The following LGALS8 variants were observed in gnomAD, a reference collection of about 807,000 sequenced individuals.
LGALS8 encodes galectin-8.
In LGALS8, 30 loss-of-function variants were observed where a neutral mutation model predicts 35.9. The observed-to-expected ratio is 0.83, with a 90% confidence interval of 0.62 to 1.13. LGALS8 has a LOEUF of 1.13. Ranked by LOEUF, LGALS8 falls within the 50% of genes most tolerant of loss-of-function variation. The probability of loss-of-function intolerance (pLI) is 0.00; values close to 1 mark genes in which losing one functional copy is unlikely to be tolerated. For missense variants in LGALS8, 366 were observed against 388.7 expected (o/e 0.94, Z 0.49); for synonymous variants, 138 against 136.1 (o/e 1.01, Z -0.10).
upstream of LGALS8, among the ~76,000 whole-genome samples, chr1:236,520,817 G>T (rs77163907): frequency 0.025 from 3,865 of 152,248 alleles, 60 homozygotes; most frequent in Non-Finnish European, 0.037. Flanking sequence ...TCATGCTTCA[G>T]CCATACTGGT....
intron 8 of LGALS8, 113 bp downstream of exon 8, chr1:236,543,761 T>A (rs1187691853): frequency 1.3e-6 from 1 of 756,296 alleles, no homozygotes; most frequent in Admixed American, 2.0e-5. Context: ...AATCTTCATT[T>A]CCAAAGTGAG....
intron 9 of LGALS8, 111 bp downstream of exon 9, chr1:236,545,026 G>A: frequency 2.5e-6 from 2 of 797,186 alleles, no homozygotes; most frequent in South Asian, 4.9e-5. Flanking sequence ...AGTTGTGTAT[G>A]TTTTTTGTTT....
upstream of LGALS8, chr1:236,518,258 G>C (rs1660454371): frequency 3.9e-5 from 6 of 152,134 alleles, no homozygotes; most frequent in Admixed American, 3.9e-4. Context: ...GACTGGATTT[G>C]GGACATGATC....
intron 2 of LGALS8, among the ~76,000 whole-genome samples, chr1:236,533,948 C>G (rs986458854): frequency 6.6e-6 from 1 of 152,210 alleles, no homozygotes; most frequent in African/African-American, 2.4e-5. Context: ...GCAGCTCCCT[C>G]TGACCCTCGA....
In LGALS8 at chr1:236,540,532, C is replaced by CGG. The variant is rs3216037; in HGVS notation, c.346-25_346-24dup. On this transcript the variant is annotated intron_variant, in intron 4 of 9. Transcript: ENST00000366584. ...TTTATTAACTGTTTTTTTTTGGTGG[C>CGG]GGGGGGGGCTCTGTCTTCTGTATCT... The CGG allele has an allele frequency of 1.1e-3, 1,596 of 1,488,794 alleles. 9 individuals carry two copies. The African/African-American group carries it at 0.011, about 11-fold the overall frequency. 92.2% of individuals were successfully genotyped at this position (1,488,794 alleles called of 1,614,324 possible).
rs1339311738 is a variant in LGALS8, at chr1:236,541,559, AG to A, written c.466-94del. The A allele has an allele frequency of 1.2e-5, 8 of 644,372 alleles. No individual in the cohort carries two copies. In the Admixed American group the frequency reaches 2.9e-4, roughly 24 times the overall value. The allele number at this position is 644,372 out of a possible 1,614,324, so 39.9% of individuals were successfully genotyped here. A position where few individuals can be genotyped will look rare whatever the true frequency, so the allele number is the denominator to read the frequency against. Reference sequence around the variant, plus strand: ...GATCATAGTTTTCAAGCATATTTTTAGTACCATTTATAATTTTTTTATATGT... The same window carrying A: ...GATCATAGTTTTCAAGCATATTTTTATACCATTTATAATTTTTTTATATGT... On this transcript the variant is annotated intron_variant, in intron 5 of 9. Transcript: ENST00000366584.
intron 9 of LGALS8, among the ~76,000 whole-genome samples, chr1:236,547,386 G>A (rs1028228513): frequency 1.3e-5 from 2 of 152,138 alleles, no homozygotes; most frequent in African/African-American, 4.8e-5. Context: ...TCCAACTTAC[G>A]GGATACCCAG....
chr1:236,532,824 A>T (rs540538838), intron 2 of LGALS8, among the ~76,000 whole-genome samples: 1 of 151,436 alleles, frequency 6.6e-6, no homozygotes, highest in South Asian at 2.1e-4. Flanking sequence ...AGCCTGGGCA[A>T]CAAAAGTGAA....
rs138838182 is a variant in LGALS8, at chr1:236,546,262, G to A, written c.804+1347G>A. ...GAATGTTATATGCTTTTGAACAATC[G>A]TCTTTTCCATTTAATTTTCTAATTC... On this transcript the variant is annotated intron_variant, in intron 9 of 9. Coordinates refer to ENST00000366584, the MANE Select transcript of LGALS8 (RefSeq NM_201544.4). Among the ~76,000 whole-genome samples the A allele has an allele frequency of 5.7e-3, 863 of 152,274 alleles. 4 individuals are homozygous for A. Among genetic ancestry groups the A allele is most frequent in the Non-Finnish European group, 9.9e-3 (676 of 68,030 alleles).
chr1:236,548,296 G>A lies in LGALS8; in HGVS notation c.*135G>A. 3.8e-6 allele frequency: 3 copies of A among 795,234 alleles called. No homozygotes were observed. The highest frequency in any genetic ancestry group is 2.7e-5 in the East Asian group (1 of 36,974). The allele number at this position is 795,234 out of a possible 1,614,324, so 49.3% of individuals were successfully genotyped here. A position where few individuals can be genotyped will look rare whatever the true frequency, so the allele number is the denominator to read the frequency against. On this transcript the variant is annotated 3_prime_UTR_variant, in exon 10 of 10. Transcript: ENST00000366584. ...CTTGTGCACCATTAGGTCCTGCTGGGTGTTCTCAGTCCTTGCCATGAAGTA... is the reference window on the plus strand; with the variant it reads ...CTTGTGCACCATTAGGTCCTGCTGGATGTTCTCAGTCCTTGCCATGAAGTA...
In LGALS8 at chr1:236,549,993, T is replaced by C. The variant is rs1288949332; in HGVS notation, c.*1832T>C. Reference sequence around the variant, plus strand: ...TAGCTTCAAAGGCTTTTAAACTCAATGCGAACATTCTACGGGATGTTCTTA... The same window carrying C: ...TAGCTTCAAAGGCTTTTAAACTCAACGCGAACATTCTACGGGATGTTCTTA... On this transcript the variant is annotated 3_prime_UTR_variant, in exon 10 of 10. Coordinates refer to ENST00000366584, the MANE Select transcript of LGALS8 (RefSeq NM_201544.4). The C allele has an allele frequency of 6.6e-6, 1 of 152,204 alleles. No homozygotes were observed. Among genetic ancestry groups the C allele is most frequent in the Non-Finnish European group, 1.5e-5 (1 of 68,038 alleles). The allele number at this position is 152,204 out of a possible 1,614,324, so 9.4% of individuals were successfully genotyped here.
At chr1:236,532,867 CAAAAA>C (rs1391379385) in intron 2 of LGALS8, among the ~76,000 whole-genome samples, 9 of 151,898 alleles carry the variant, frequency 5.9e-5, no homozygotes, top group Admixed American at 5.2e-4. Flanking sequence ...AAACAAAAAA[CAAAAA>C]ACCTGTTTTC....
At chr1:236,547,962 A>T in intron 9 of LGALS8, 50 bp from the exon 10 acceptor site, 1 of 1,549,930 alleles carries the variant, frequency 6.5e-7, no homozygotes, top group Non-Finnish European at 8.9e-7. Context: ...AACAAACACA[A>T]AATTTTAAAC....
chr1:236,533,975 C>A (rs374395867), intron 2 of LGALS8, among the ~76,000 whole-genome samples: 7 of 152,284 alleles, frequency 4.6e-5, no homozygotes, highest in African/African-American at 1.7e-4. Context: ...TGCCCCTGAC[C>A]CCGGATGTAG....
intron 1 of LGALS8, chr1:236,525,448 G>T (rs1459752943): frequency 6.6e-6 from 1 of 151,284 alleles, no homozygotes; most frequent in Non-Finnish European, 1.5e-5. Flanking sequence ...TGTTGCCCAG[G>T]CTGGAGTGCA....
rs146402652 is a variant in LGALS8, at chr1:236,526,530, T to C, written c.45+415T>C. On this transcript the variant is annotated intron_variant, in intron 2 of 9. Coordinates refer to ENST00000366584, the MANE Select transcript of LGALS8 (RefSeq NM_201544.4). The surrounding 1 kb of genome is among the most constrained non-coding windows in gnomAD (Gnocchi z 4.6). ...TTTCCCTCAGCCTTTCAAATACTGC[T>C]TGGCCCTTGAGCAGGGAAAATGTCA... The C allele has an allele frequency of 6.0e-3, 957 of 159,176 alleles. 4 individuals carry two copies. The highest frequency in any genetic ancestry group is 0.022 in the African/African-American group (920 of 41,724). 9.9% of individuals were successfully genotyped at this position (159,176 alleles called of 1,614,324 possible). A position where few individuals can be genotyped will look rare whatever the true frequency, so the allele number is the denominator to read the frequency against.
chr1:236,523,502 G>A (rs2103061363), upstream of LGALS8: 1 of 156,268 alleles, frequency 6.4e-6, no homozygotes, highest in South Asian at 1.9e-4. Flanking sequence ...CGTGGACCTG[G>A]GCGCCCCGGG....
chr1:236,542,806 G>A lies in LGALS8; in HGVS notation c.549+19G>A, dbSNP rs1662091489. ...CCAGCTTGTGAGTATTTTTGCCTGGGTTATTTCATGTGGAATATTTTATAA... is the reference window on the plus strand; with the variant it reads ...CCAGCTTGTGAGTATTTTTGCCTGGATTATTTCATGTGGAATATTTTATAA... On this transcript the variant is annotated intron_variant, in intron 7 of 9. Transcript: ENST00000366584. The A allele has an allele frequency of 6.2e-7, 1 of 1,614,040 alleles. No homozygotes were observed. Among genetic ancestry groups the A allele is most frequent in the African/African-American group, 1.3e-5 (1 of 74,912 alleles).
chr1:236,538,925 G>C lies in LGALS8; in HGVS notation c.181G>C (p.Asp61His), dbSNP rs370055161. 1 of 1,613,678 alleles carries C rather than the reference G, an allele frequency of 6.2e-7. No homozygotes were observed. The highest frequency in any genetic ancestry group is 1.3e-5 in the African/African-American group (1 of 75,026). ...QNGSSMKPRA[D>H]VAFHFNPRFK... The stretch of plus-strand genomic sequence containing the variant: ...TGGCAGCAGCATGAAACCTCGAGCC[G>C]ATGTGGCCTTTCATTTCAATCCTCG... Residue 61 changes from aspartate to histidine, a missense_variant, in exon 4 of 10, where the codon GAT becomes CAT. Coordinates refer to ENST00000366584, the MANE Select transcript of LGALS8 (RefSeq NM_201544.4).
Sources: gnomAD v4.1 joint callset for allele counts (sites outside exome capture counted in the v4.1 genomes callset) on GRCh38, gnomAD v4.1.1 for gene constraint, Gnocchi (gnomAD v3.1) non-coding constraint, MANE v1.5 for transcripts, NCBI Gene and HGNC (gene_info 2026-07-23, HGNC 2026-07-21) for gene names.